STPG2: variants seen among roughly 807,000 people sequenced by gnomAD.
The protein encoded by STPG2 is sperm-tail PG-rich repeat-containing protein 2.
Under a neutral mutation model 54.2 loss-of-function variants are expected in STPG2, and 56 were observed. The observed-to-expected ratio is 1.03, with a 90% CI of 0.83 to 1.29. The LOEUF (loss-of-function observed/expected upper bound fraction) is 1.29. STPG2 is among the 50% of genes most tolerant of loss of function. STPG2 has a pLI of 0.00. For synonymous variants in STPG2, 200 were observed against 181.8 expected (o/e 1.10, Z -0.81); for missense variants, 596 against 544.9 (o/e 1.09, Z -0.93).
At chr4:97,465,790 G>A (rs1326257455) in intron 4 of STPG2, among the ~76,000 whole-genome samples, 3 of 151,778 alleles carry the variant, frequency 2.0e-5, no homozygotes, top group African/African-American at 7.3e-5. Flanking sequence ...CATTTTTGCT[G>A]TTGAATTGTA....
intron 4 of STPG2, chr4:97,490,137 A>T (rs1730471970): frequency 6.6e-6 from 1 of 150,578 alleles, no homozygotes; most frequent in Non-Finnish European, 1.5e-5. Context: ...TAATTTTTTA[A>T]AAAATACAAT....
chr4:97,773,167 T>G (rs1726268020), intron 9 of STPG2, among the ~76,000 whole-genome samples: 1 of 152,172 alleles, frequency 6.6e-6, no homozygotes, highest in Admixed American at 6.5e-5. Flanking sequence ...TCAGAAATAA[T>G]TCTTTCCTAT....
At chr4:97,681,814 T>C (rs1234955354) in intron 10 of STPG2, among the ~76,000 whole-genome samples, 1 of 151,406 alleles carries the variant, frequency 6.6e-6, no homozygotes, top group Non-Finnish European at 1.5e-5. Flanking sequence ...TGTTGATGTC[T>C]GTCTTTTTCT....
At chr4:98,077,540 A>G (rs1248502285) in intron 5 of STPG2, among the ~76,000 whole-genome samples, 2 of 152,110 alleles carry the variant, frequency 1.3e-5, no homozygotes, top group Admixed American at 1.3e-4. Flanking sequence ...CCAGCCCTCC[A>G]TATTTTTAAG....
At chr4:97,564,991 AC>A (rs1404973559) in intron 10 of STPG2, among the ~76,000 whole-genome samples, 5 of 152,160 alleles carry the variant, frequency 3.3e-5, no homozygotes, top group African/African-American at 1.2e-4. Flanking sequence ...GCCTTGCTAG[AC>A]TGGGGAAGTT....
chr4:97,920,570 A>G (rs1220146642), intron 8 of STPG2, among the ~76,000 whole-genome samples: 1 of 152,086 alleles, frequency 6.6e-6, no homozygotes, highest in Non-Finnish European at 1.5e-5. Context: ...TCTCCTTATT[A>G]AGAGTTAATG....
Position 98,024,482 on chromosome 4 carries a change from G to A in STPG2, c.613-43164C>T, listed in dbSNP as rs114860689. Reference sequence around the variant, plus strand: ...ATATGTCCTATAAAATTAAATCAACGAAACACCATTTCTCCCATTGCTTGT... The same window carrying A: ...ATATGTCCTATAAAATTAAATCAACAAAACACCATTTCTCCCATTGCTTGT... On this transcript the variant is annotated intron_variant, in intron 5 of 10. Transcript: ENST00000295268. 9.3e-4 allele frequency among the ~76,000 whole-genome samples: 142 copies of A among 152,138 alleles called. 1 individual carries two copies. The highest frequency in any genetic ancestry group is 2.2e-3 in the African/African-American group (93 of 41,520).
intron 10 of STPG2, among the ~76,000 whole-genome samples, chr4:97,631,529 A>C (rs77883215): frequency 0.017 from 2,631 of 152,244 alleles, 67 homozygotes; most frequent in African/African-American, 0.059. Context: ...CTGTAGTTTT[A>C]GATAATCATC....
intron 4 of STPG2, among the ~76,000 whole-genome samples, chr4:97,506,800 G>C (rs1375326873): frequency 3.3e-5 from 5 of 151,480 alleles, no homozygotes; most frequent in Admixed American, 2.6e-4. Flanking sequence ...CTAATAGAGA[G>C]AGAGAATGAA....
chr4:97,476,459 CA>C (rs1190929899), intron 4 of STPG2, among the ~76,000 whole-genome samples: 1 of 152,036 alleles, frequency 6.6e-6, no homozygotes, highest in Admixed American at 6.6e-5. Context: ...TTGCCATATA[CA>C]TGTTATTCAT....
intron 9 of STPG2, among the ~76,000 whole-genome samples, chr4:97,734,603 A>G (rs1724912105): frequency 6.6e-6 from 1 of 152,194 alleles, no homozygotes; most frequent in African/African-American, 2.4e-5. Flanking sequence ...TATCACATTG[A>G]TAAGTTTGTG....
chr4:97,593,492 A>T (rs1733199524), intron 10 of STPG2, among the ~76,000 whole-genome samples: 1 of 152,128 alleles, frequency 6.6e-6, no homozygotes, highest in Admixed American at 6.5e-5. Flanking sequence ...TTGTACACGG[A>T]TGCCAACAAC....
chr4:97,905,005 G>C (rs1404627382), intron 8 of STPG2, among the ~76,000 whole-genome samples: 2 of 152,034 alleles, frequency 1.3e-5, no homozygotes, highest in Non-Finnish European at 2.9e-5. Context: ...GTGACGGGGA[G>C]AATGGAACCA....
At chr4:97,682,468 A>G (rs141797504) in intron 10 of STPG2, among the ~76,000 whole-genome samples, 1 of 151,946 alleles carries the variant, frequency 6.6e-6, no homozygotes, top group African/African-American at 2.4e-5. Context: ...TAATTCTCCA[A>G]TACAGATACA....
intron 4 of STPG2, among the ~76,000 whole-genome samples, chr4:97,497,658 T>C (rs1015615507): frequency 1.3e-5 from 2 of 151,910 alleles, no homozygotes; most frequent in African/African-American, 4.8e-5. Context: ...AATTGTTATG[T>C]TGAGTTAGAA....
At chr4:97,656,306 C>T (rs1224769294) in intron 10 of STPG2, among the ~76,000 whole-genome samples, 1 of 152,010 alleles carries the variant, frequency 6.6e-6, no homozygotes, top group Non-Finnish European at 1.5e-5. Context: ...CCTGTGTCTT[C>T]AAAATAAAAG....
chr4:98,077,375 TG>T (rs2110112893), intron 5 of STPG2, among the ~76,000 whole-genome samples: 1 of 152,218 alleles, frequency 6.6e-6, no homozygotes, highest in African/African-American at 2.4e-5. Context: ...CCTGAGTAGC[TG>T]GGACTACAGG....
chr4:97,832,347 G>A (rs533065980), intron 9 of STPG2, among the ~76,000 whole-genome samples: 1 of 152,246 alleles, frequency 6.6e-6, no homozygotes, highest in South Asian at 2.1e-4. Context: ...CATAAACTAG[G>A]TATTGATGGA....
At chr4:97,534,455 T>C (rs1305389154) in intron 4 of STPG2, among the ~76,000 whole-genome samples, 4 of 152,166 alleles carry the variant, frequency 2.6e-5, no homozygotes, top group African/African-American at 9.6e-5. Context: ...AAGTATATAG[T>C]GTGAATCAAG....
Sources: gnomAD v4.1 joint callset for allele counts (sites outside exome capture counted in the v4.1 genomes callset) on GRCh38, gnomAD v4.1.1 for gene constraint, MANE v1.5 for transcripts, NCBI Gene and HGNC (gene_info 2026-07-23, HGNC 2026-07-21) for gene names.